The following NRXN1 variants were observed in gnomAD, a reference collection of about 807,000 sequenced individuals.
NRXN1 encodes neurexin 1.
Under a neutral mutation model 150.9 loss-of-function variants are expected in NRXN1, and 39 were observed. The ratio of observed to expected loss-of-function variants is 0.26; its 90% CI spans 0.20 to 0.34. The LOEUF (loss-of-function observed/expected upper bound fraction) is 0.34, where lower values mean the gene tolerates loss of function less well. Ranked by LOEUF, NRXN1 falls within the 10% of genes least tolerant of loss-of-function variation. The pLI is 1.00. For synonymous variants in NRXN1, 924 were observed against 757.0 expected (o/e 1.22, Z -3.62); for missense variants, 1,815 against 1,949.9 (o/e 0.93, Z 1.30).
At chr2:50,086,413 G>A (rs1698778593) in intron 19 of NRXN1, among the ~76,000 whole-genome samples, 1 of 152,072 alleles carries the variant, frequency 6.6e-6, no homozygotes, top group Admixed American at 6.6e-5. Context: ...ATACTCATAA[G>A]CTCTTCCAGA....
At chr2:50,959,587 TG>T (rs1441018494) in intron 2 of NRXN1, among the ~76,000 whole-genome samples, 1 of 152,018 alleles carries the variant, frequency 6.6e-6, no homozygotes, top group African/African-American at 2.4e-5. Context: ...TGCCAGGAAC[TG>T]GGGACAGTGA....
At chr2:50,266,208 G>A (rs981134386) in intron 17 of NRXN1, among the ~76,000 whole-genome samples, 17 of 148,668 alleles carry the variant, frequency 1.1e-4, no homozygotes, top group Admixed American at 2.0e-4. Context: ...CATGTTGGCC[G>A]GGTTGGTCTT....
At chr2:50,390,139 G>A (rs572438351) in intron 17 of NRXN1, among the ~76,000 whole-genome samples, 1 of 152,070 alleles carries the variant, frequency 6.6e-6, no homozygotes, top group African/African-American at 2.4e-5. Context: ...CAGGTAAAAA[G>A]CATGGATTTT....
At chr2:50,844,711 G>A (rs758001049) in intron 5 of NRXN1, among the ~76,000 whole-genome samples, 6 of 152,110 alleles carry the variant, frequency 3.9e-5, no homozygotes, top group Non-Finnish European at 8.8e-5. Context: ...CTGCTTTTTC[G>A]AATAGTCGGT....
At chr2:50,332,534 T>C (rs1222423693) in intron 17 of NRXN1, among the ~76,000 whole-genome samples, 3 of 152,184 alleles carry the variant, frequency 2.0e-5, no homozygotes, top group Non-Finnish European at 4.4e-5. Flanking sequence ...GCAAGGAAAA[T>C]GTTAACCATC....
intron 18 of NRXN1, among the ~76,000 whole-genome samples, chr2:50,164,473 G>A (rs1286977083): frequency 1.3e-5 from 2 of 152,312 alleles, no homozygotes; most frequent in African/African-American, 4.8e-5. Context: ...TAAAATGATA[G>A]CATAATCCTT....
intron 18 of NRXN1, among the ~76,000 whole-genome samples, chr2:50,172,348 C>T (rs1165405102): frequency 6.6e-6 from 1 of 151,954 alleles, no homozygotes; most frequent in Non-Finnish European, 1.5e-5. Context: ...ATGAACTGAG[C>T]CTAACAACAA....
At chr2:50,477,323 T>G (rs1357769151) in intron 15 of NRXN1, among the ~76,000 whole-genome samples, 1 of 152,132 alleles carries the variant, frequency 6.6e-6, no homozygotes, top group African/African-American at 2.4e-5. Flanking sequence ...ACTAGGGAAT[T>G]TGAAGCAGTA....
intron 17 of NRXN1, among the ~76,000 whole-genome samples, chr2:50,326,407 T>C (rs1264465349): frequency 6.6e-6 from 1 of 152,228 alleles, no homozygotes; most frequent in Non-Finnish European, 1.5e-5. Context: ...ACTTAGCCCA[T>C]GTAAAAGTAG....
At chr2:50,991,619 C>T (rs923551678) in intron 2 of NRXN1, among the ~76,000 whole-genome samples, 1 of 152,110 alleles carries the variant, frequency 6.6e-6, no homozygotes, top group Non-Finnish European at 1.5e-5. Flanking sequence ...TGTAAGCACA[C>T]TTTGCATTTG....
At chr2:50,553,988 G>T (rs1315435179) in intron 8 of NRXN1, among the ~76,000 whole-genome samples, 1 of 152,156 alleles carries the variant, frequency 6.6e-6, no homozygotes, top group Non-Finnish European at 1.5e-5. Flanking sequence ...AATGCATACA[G>T]TGGATAATCA....
intron 5 of NRXN1, among the ~76,000 whole-genome samples, chr2:50,728,122 T>C (rs1217439735): frequency 6.6e-6 from 1 of 152,078 alleles, no homozygotes; most frequent in Non-Finnish European, 1.5e-5. Context: ...CATTGTGCAC[T>C]GTACAAACAA....
intron 18 of NRXN1, among the ~76,000 whole-genome samples, chr2:50,204,312 G>A (rs868258810): frequency 5.3e-5 from 8 of 151,088 alleles, no homozygotes; most frequent in African/African-American, 1.9e-4. Flanking sequence ...AAAAAATAAA[G>A]TTATTTGAAA....
chr2:50,137,987 G>C (rs1308401714), intron 18 of NRXN1, among the ~76,000 whole-genome samples: 2 of 152,090 alleles, frequency 1.3e-5, no homozygotes, highest in African/African-American at 2.4e-5. Flanking sequence ...GACTGGACTT[G>C]TATAATTTTA....
chr2:50,939,472 T>C (rs1370454232), intron 2 of NRXN1, among the ~76,000 whole-genome samples: 2 of 152,008 alleles, frequency 1.3e-5, no homozygotes, highest in African/African-American at 4.8e-5. Flanking sequence ...ATAAAATATG[T>C]CAAACTTAAA....
intron 5 of NRXN1, among the ~76,000 whole-genome samples, chr2:50,837,843 G>A (rs1431409984): frequency 6.6e-6 from 1 of 152,044 alleles, no homozygotes; most frequent in Non-Finnish European, 1.5e-5. Context: ...GTTTTATTAG[G>A]AAATACAGAA....
intron 17 of NRXN1, among the ~76,000 whole-genome samples, chr2:50,321,847 C>A (rs2076061108): frequency 6.6e-6 from 1 of 151,982 alleles, no homozygotes. Context: ...TAACTAGTAT[C>A]TATGAAAATA....
rs2093424035 is a variant in NRXN1 at position 50,543,055 on chromosome 2, C to A, written c.1760-4419G>T. 5.3e-5 allele frequency among the ~76,000 whole-genome samples: 8 copies of A among 152,116 alleles called. No homozygotes were observed. The South Asian group carries it at 1.7e-3, about 32-fold the overall frequency. ...TGAGTAGTTGCCAAACTCTATATAT[C>A]AATGGAAAAGGAGAATTTTCAAAGG... On this transcript the variant is annotated intron_variant, in intron 9 of 22. Transcript: ENST00000401669.
Position 50,259,782 on chromosome 2 carries a change from C to T in NRXN1, c.3365-22812G>A, listed in dbSNP as rs557544854. ...ATTTTATGAAACAGGTTTCACTATA[C>T]TATATTGTCCCAGGATGTCATTTGC... is the stretch of plus-strand genomic sequence containing the variant. On this transcript the variant is annotated intron_variant, in intron 17 of 22. Coordinates refer to ENST00000401669, the MANE Select transcript of NRXN1 (RefSeq NM_001330078.2). Among the ~76,000 whole-genome samples, 7 of 151,966 alleles carry T rather than the reference C, an allele frequency of 4.6e-5. No homozygotes were observed. The East Asian group carries it at 9.7e-4, about 21-fold the overall frequency.
Sources: gnomAD v4.1 joint callset for allele counts (sites outside exome capture counted in the v4.1 genomes callset) on GRCh38, gnomAD v4.1.1 for gene constraint, MANE v1.5 for transcripts, NCBI Gene and HGNC (gene_info 2026-07-23, HGNC 2026-07-21) for gene names.